The following JAK1 variants were observed in gnomAD, a reference collection of about 807,000 sequenced individuals.
JAK1 encodes the protein tyrosine-protein kinase JAK1.
In JAK1, 16 loss-of-function variants were observed where a neutral mutation model predicts 136.6. The observed-to-expected ratio is 0.12, with a 90% CI of 0.08 to 0.18. JAK1 has a LOEUF of 0.18. JAK1 is among the 10% of genes least tolerant of loss of function. JAK1 has a pLI of 1.00. For synonymous variants in JAK1, 492 were observed against 519.5 expected (o/e 0.95, Z 0.72); for missense variants, 859 against 1,450.1 (o/e 0.59, Z 6.62).
At chr1:64,882,808 G>C (rs539953392) in intron 3 of JAK1, among the ~76,000 whole-genome samples, 1 of 152,282 alleles carries the variant, frequency 6.6e-6, no homozygotes, top group East Asian at 1.9e-4. Context: ...ACCACGCATG[G>C]GAGGGCAGTC....
chr1:64,889,227 G>C (rs2101338732), intron 1 of JAK1, among the ~76,000 whole-genome samples: 1 of 150,306 alleles, frequency 6.7e-6, no homozygotes, highest in South Asian at 2.1e-4. Flanking sequence ...ATATACAAAA[G>C]GAAAAATCAT....
chr1:65,013,612 C>T (rs147027517), intron 2 of JAK1, among the ~76,000 whole-genome samples: 1,653 of 152,240 alleles, frequency 0.011, 23 homozygotes, highest in African/African-American at 0.037. Flanking sequence ...ATTCAAGCCA[C>T]AAATTTCATT....
chr1:65,055,693 C>T (rs1647500461), intron 1 of JAK1, among the ~76,000 whole-genome samples: 2 of 152,190 alleles, frequency 1.3e-5, no homozygotes, highest in South Asian at 4.1e-4. Flanking sequence ...TCTTAACCTG[C>T]TGGAACACCT....
chr1:64,844,024 A>C lies in JAK1; in HGVS notation c.2403+40T>G, dbSNP rs1488347715. 1 of 1,610,500 alleles carries C rather than the reference A, an allele frequency of 6.2e-7. No homozygotes were observed. The highest frequency in any genetic ancestry group is 1.7e-5 in the Admixed American group (1 of 59,944). ...CCTGGGAAGCCCACGAGCACCTGAA[A>C]GCCCTCACTTGCCTCACGCCCCGGG... On this transcript the variant is annotated intron_variant, in intron 17 of 24. Transcript: ENST00000342505. The surrounding 1 kb of genome is among the most constrained non-coding windows in gnomAD (Gnocchi z 5.7).
intron 1 of JAK1, among the ~76,000 whole-genome samples, chr1:65,055,419 T>C (rs1460072893): frequency 1.3e-5 from 2 of 152,226 alleles, no homozygotes; most frequent in Non-Finnish European, 2.9e-5. Flanking sequence ...GACACTTGGG[T>C]TGCTCCTTTT....
chr1:64,877,354 C>T (rs1200332518), intron 4 of JAK1, among the ~76,000 whole-genome samples: 1 of 151,880 alleles, frequency 6.6e-6, no homozygotes, highest in Non-Finnish European at 1.5e-5. Flanking sequence ...GTTCAAAGGG[C>T]CTGTGGTAAC....
intron 1 of JAK1, chr1:65,066,889 C>CG (rs1438411679): frequency 2.0e-5 from 3 of 152,310 alleles, no homozygotes; most frequent in Admixed American, 6.5e-5. Flanking sequence ...CGGGCGGGGG[C>CG]GGGGGAAAAG....
intron 1 of JAK1, among the ~76,000 whole-genome samples, chr1:65,056,473 A>C (rs1467369432): frequency 6.6e-6 from 1 of 152,222 alleles, no homozygotes; most frequent in African/African-American, 2.4e-5. Context: ...TGGCACAATG[A>C]AGGATAAGAA....
chr1:64,914,189 T>A (rs1181821967), intron 1 of JAK1, among the ~76,000 whole-genome samples: 1 of 152,136 alleles, frequency 6.6e-6, no homozygotes, highest in Admixed American at 6.5e-5. Flanking sequence ...AAATAAAAGA[T>A]GATGTTGAAC....
chr1:64,936,560 G>A (rs960866059), intron 1 of JAK1, among the ~76,000 whole-genome samples: 2 of 152,116 alleles, frequency 1.3e-5, no homozygotes, highest in African/African-American at 2.4e-5. Context: ...TAGACACCCA[G>A]GACTTTCACA....
intron 1 of JAK1, among the ~76,000 whole-genome samples, chr1:64,925,396 C>CA (rs1004988575): frequency 1.0e-4 from 15 of 145,470 alleles, no homozygotes; most frequent in South Asian, 2.2e-4. Context: ...AACTCTGTCT[C>CA]AAAAAAAAAA....
At chr1:64,899,071 A>G (rs1645067021) in intron 1 of JAK1, among the ~76,000 whole-genome samples, 1 of 152,234 alleles carries the variant, frequency 6.6e-6, no homozygotes, top group Admixed American at 6.5e-5. Context: ...ACAATTTACA[A>G]AGCACTTTCA....
In JAK1 at chr1:64,841,531, G is replaced by C; in HGVS notation, c.2474C>G (p.Thr825Ser). 6.2e-7 allele frequency: 1 copy of C among 1,614,054 alleles called. No homozygotes were observed. The highest frequency in any genetic ancestry group is 8.5e-7 in the Non-Finnish European group (1 of 1,179,956). The change falls in exon 18 of 25, where the codon ACC (threonine) becomes AGC (serine). Residue 825 changes from threonine (T) to serine (S), a missense_variant. Coordinates refer to ENST00000342505, the MANE Select transcript of JAK1 (RefSeq NM_002227.4). ...PSCKELADLM[T>S]RCMNYDPNQR... ...ATTGGGGTCATAGTTCATGCAGCGG[G>C]TCATGAGGTCAGCCAGCTCCTTACA...
chr1:64,957,606 C>T (rs1026359469), intron 1 of JAK1, among the ~76,000 whole-genome samples: 1 of 151,580 alleles, frequency 6.6e-6, no homozygotes, highest in Non-Finnish European at 1.5e-5. Context: ...GTCAGGAGAT[C>T]GAGACCATCC....
chr1:64,902,583 A>AGAGAGAGAGAGAGAGGGTGTGT, intron 1 of JAK1, among the ~76,000 whole-genome samples: 1 of 73,758 alleles, frequency 1.4e-5, no homozygotes, highest in Non-Finnish European at 2.4e-5. Context: ...AGAGAGAGAG[A>AGAGAGAGAGAGAGAGGGTGTGT]GTGTGTGTGT....
At chr1:64,989,324 C>CAAATAAATAAATAAAT (rs60402520) in intron 2 of JAK1, 30 of 139,130 alleles carry the variant, frequency 2.2e-4, no homozygotes, top group Admixed American at 2.9e-4. Context: ...GACTCCATCT[C>CAAATAAATAAATAAAT]AAATAAATAA....
intron 6 of JAK1, among the ~76,000 whole-genome samples, chr1:64,868,289 C>G (rs1026100709): frequency 3.9e-5 from 6 of 152,032 alleles, no homozygotes; most frequent in African/African-American, 1.2e-4. Flanking sequence ...GGGCCAAATG[C>G]GGAGACTGAT....
chr1:64,857,844 T>C, intron 9 of JAK1, 65 bp from the exon 10 acceptor site: 1 of 1,589,936 alleles, frequency 6.3e-7, no homozygotes, highest in South Asian at 1.1e-5. Flanking sequence ...ACCTCTGGGC[T>C]ATCCACTCTC....
At chr1:64,957,081 A>C (rs1157807813) in intron 1 of JAK1, among the ~76,000 whole-genome samples, 2 of 152,218 alleles carry the variant, frequency 1.3e-5, no homozygotes, top group African/African-American at 4.8e-5. Flanking sequence ...TCAAGGAAGC[A>C]GTCTCATGAG....
Sources: allele counts gnomAD v4.1 joint callset (sites outside exome capture counted in the v4.1 genomes callset), GRCh38; gene constraint gnomAD v4.1.1; non-coding constraint Gnocchi (gnomAD v3.1); transcripts MANE v1.5; gene names NCBI Gene and HGNC (gene_info 2026-07-23, HGNC 2026-07-21).